EPHA3: variants seen among roughly 807,000 people sequenced by gnomAD.
The protein encoded by EPHA3 is ephrin type-A receptor 3.
A neutral mutation model predicts 107.1 loss-of-function variants in EPHA3; 42 were observed. That is an observed-to-expected ratio of 0.39 (90% CI 0.31 to 0.51). The LOEUF is 0.51. Among genes scored for constraint, EPHA3 ranks in the 20% least tolerant of loss-of-function variants. EPHA3 has a pLI of 0.78. For synonymous variants in EPHA3, 461 were observed against 424.8 expected, an observed-to-expected ratio of 1.09 and a Z score of -1.05; for missense variants, 1,183 against 1,211.2, an observed-to-expected ratio of 0.98 and a Z score of 0.35.
At chr3:89,365,804 A>C (rs1708175370) in intron 5 of EPHA3, among the ~76,000 whole-genome samples, 1 of 150,614 alleles carries the variant, frequency 6.6e-6, no homozygotes, top group Non-Finnish European at 1.5e-5. Context: ...TTTCCCTTGA[A>C]ACAGAAAGCC....
intron 5 of EPHA3, among the ~76,000 whole-genome samples, chr3:89,355,319 C>A (rs1707921713): frequency 6.6e-6 from 1 of 151,108 alleles, no homozygotes; most frequent in African/African-American, 2.4e-5. Flanking sequence ...TTGGACTAGA[C>A]CATTTCTAAG....
intron 5 of EPHA3, among the ~76,000 whole-genome samples, chr3:89,374,023 A>G (rs1272464220): frequency 2.0e-5 from 3 of 151,840 alleles, no homozygotes; most frequent in Admixed American, 6.6e-5. Context: ...AGGATTTGTT[A>G]AAAATGAGTT....
intron 12 of EPHA3, among the ~76,000 whole-genome samples, chr3:89,430,432 A>G (rs2107535974): frequency 6.6e-6 from 1 of 152,270 alleles, no homozygotes; most frequent in East Asian, 1.9e-4. Context: ...AAAAATAAAC[A>G]TTTCCAAAAT....
chr3:89,286,483 A>T (rs998133480), intron 3 of EPHA3, among the ~76,000 whole-genome samples: 3 of 152,080 alleles, frequency 2.0e-5, no homozygotes, highest in African/African-American at 7.2e-5. Flanking sequence ...CCAGTAGTTA[A>T]TTGAGAGATT....
intron 3 of EPHA3, among the ~76,000 whole-genome samples, chr3:89,215,526 A>G (rs565764130): frequency 1.3e-5 from 2 of 152,014 alleles, no homozygotes; most frequent in South Asian, 2.1e-4. Flanking sequence ...GAACACTCAG[A>G]CACAATGTAA....
chr3:89,128,730 G>A (rs1328225739), intron 2 of EPHA3, among the ~76,000 whole-genome samples: 1 of 150,084 alleles, frequency 6.7e-6, no homozygotes, highest in Non-Finnish European at 1.5e-5. Context: ...TACTATATTA[G>A]TATCTATAAC....
chr3:89,379,192 A>C (rs1220213769), intron 5 of EPHA3, among the ~76,000 whole-genome samples: 1 of 151,890 alleles, frequency 6.6e-6, no homozygotes, highest in Non-Finnish European at 1.5e-5. Flanking sequence ...CAATGTTTGC[A>C]TTTCTTAATC....
intron 3 of EPHA3, among the ~76,000 whole-genome samples, chr3:89,326,319 TA>T (rs909770543): frequency 2.6e-5 from 4 of 152,172 alleles, no homozygotes; most frequent in African/African-American, 9.6e-5. Context: ...TAAATGCTAA[TA>T]AGTGGTTGTT....
intron 5 of EPHA3, among the ~76,000 whole-genome samples, chr3:89,343,048 C>G (rs1283263018): frequency 6.6e-6 from 1 of 152,134 alleles, no homozygotes; most frequent in Non-Finnish European, 1.5e-5. Flanking sequence ...CTTCATTTGG[C>G]TTACATTATG....
At chr3:89,467,864 C>T (rs1710317554) in intron 15 of EPHA3, among the ~76,000 whole-genome samples, 1 of 152,160 alleles carries the variant, frequency 6.6e-6, no homozygotes, top group Non-Finnish European at 1.5e-5. Context: ...TTATGAAAAG[C>T]TGTAAAAGAT....
chr3:89,315,396 G>A (rs566786367), intron 3 of EPHA3, among the ~76,000 whole-genome samples: 161 of 151,874 alleles, frequency 1.1e-3, no homozygotes, highest in African/African-American at 3.7e-3. Flanking sequence ...CTACAGTTCA[G>A]AGCTCAGGGA....
chr3:89,346,962 G>C (rs999912439), intron 5 of EPHA3, among the ~76,000 whole-genome samples: 6 of 145,174 alleles, frequency 4.1e-5, no homozygotes, highest in African/African-American at 1.5e-4. Context: ...GCTCTGTTCT[G>C]TTCCATTGAT....
chr3:89,340,113 A>G (rs1228684423), intron 3 of EPHA3, among the ~76,000 whole-genome samples: 2 of 152,238 alleles, frequency 1.3e-5, no homozygotes, highest in Non-Finnish European at 2.9e-5. Flanking sequence ...AACAGTACAT[A>G]GATGCTGAAC....
At chr3:89,170,236 A>G (rs961587564) in intron 2 of EPHA3, among the ~76,000 whole-genome samples, 1 of 150,646 alleles carries the variant, frequency 6.6e-6, no homozygotes, top group Non-Finnish European at 1.5e-5. Flanking sequence ...AGCCTGGGCG[A>G]CAGAGAGAGA....
At chr3:89,430,822 T>A (rs1356051316) in intron 12 of EPHA3, among the ~76,000 whole-genome samples, 1 of 152,150 alleles carries the variant, frequency 6.6e-6, no homozygotes, top group African/African-American at 2.4e-5. Context: ...GCCACAAGAT[T>A]CATTTCACTT....
intron 3 of EPHA3, among the ~76,000 whole-genome samples, chr3:89,267,972 C>T (rs1483243616): frequency 6.6e-6 from 1 of 152,080 alleles, no homozygotes; most frequent in Non-Finnish European, 1.5e-5. Flanking sequence ...ATTTGAAGCT[C>T]TCTTTGCTAT....
chr3:89,186,446 A>G (rs1705571197), intron 2 of EPHA3, among the ~76,000 whole-genome samples: 1 of 152,110 alleles, frequency 6.6e-6, no homozygotes, highest in Non-Finnish European at 1.5e-5. Context: ...TTAATTCTTA[A>G]AAATTATTTC....
intron 13 of EPHA3, among the ~76,000 whole-genome samples, chr3:89,445,406 A>T (rs1709860067): frequency 6.6e-6 from 1 of 152,302 alleles, no homozygotes; most frequent in South Asian, 2.1e-4. Flanking sequence ...CATTAAAAAT[A>T]AAAATAAATA....
At chr3:89,442,143 G>GA (rs1450083138) in intron 13 of EPHA3, among the ~76,000 whole-genome samples, 1 of 151,048 alleles carries the variant, frequency 6.6e-6, no homozygotes, top group Non-Finnish European at 1.5e-5. Context: ...TCCTAAAAAA[G>GA]AAAAAGAAAA....
Sources: allele counts gnomAD v4.1 joint callset (sites outside exome capture counted in the v4.1 genomes callset), GRCh38; gene constraint gnomAD v4.1.1; transcripts MANE v1.5; gene names NCBI Gene and HGNC (gene_info 2026-07-23, HGNC 2026-07-21).